The following C16orf96 variants were observed in gnomAD, a reference collection of about 807,000 sequenced individuals.
The protein encoded by C16orf96 is uncharacterized protein C16orf96.
C16orf96 carries 108 observed loss-of-function variants against 103.6 expected under a neutral mutation model. The ratio of observed to expected loss-of-function variants is 1.04; its 90% CI spans 0.89 to 1.22. The LOEUF (loss-of-function observed/expected upper bound fraction) is 1.22. Ranked by LOEUF, C16orf96 falls within the 50% of genes most tolerant of loss-of-function variation. The probability of loss-of-function intolerance (pLI) is 0.00; values close to 1 mark genes in which losing one functional copy is unlikely to be tolerated. For synonymous variants in C16orf96, 566 were observed against 593.5 expected (o/e 0.95, Z 0.67); for missense variants, 1,586 against 1,464.2 (o/e 1.08, Z -1.36).
At chr16:4,596,951 G>A (rs1181564372) in intron 14 of C16orf96, among the ~76,000 whole-genome samples, 1 of 152,084 alleles carries the variant, frequency 6.6e-6, no homozygotes, top group Non-Finnish European at 1.5e-5. Flanking sequence ...TCCCCCATAA[G>A]GACATTTGTC....
the C16orf96 span, among the ~76,000 whole-genome samples, chr16:4,548,876 CAAAAA>C: frequency 1.5e-5 from 2 of 133,062 alleles, no homozygotes; most frequent in Admixed American, 7.7e-5. Context: ...GTGAGACTCT[CAAAAA>C]AAAAAAAAAA....
In C16orf96 at chr16:4,600,164, A is replaced by G. The variant is rs1210543040; in HGVS notation, c.3273A>G (p.Arg1091=). 2.6e-6 allele frequency: 4 copies of G among 1,551,274 alleles called. No individual in the cohort carries two copies. In the Admixed American group the frequency reaches 5.9e-5, roughly 23 times the overall value. The change falls in exon 16 of 16, where the codon CGA becomes CGG. Residue 1091 remains arginine, a synonymous_variant. Transcript: ENST00000444310. Reference sequence around the variant, plus strand: ...GCCCTCACCTGACGATGCCAGCTCGACCACCTTCCCTGCCACCTCTGCTGC... The same window carrying G: ...GCCCTCACCTGACGATGCCAGCTCGGCCACCTTCCCTGCCACCTCTGCTGC... ...ASGPHLTMPA[R]PPSLPPLLLL...
intron 9 of C16orf96, among the ~76,000 whole-genome samples, chr16:4,589,621 C>G (rs901651960): frequency 3.3e-5 from 5 of 150,908 alleles, no homozygotes; most frequent in African/African-American, 1.2e-4. Context: ...AAAAAATGGG[C>G]GCAGAACAAC....
At position 4,576,605 on chromosome 16, in the gene C16orf96, T is replaced by C. The variant is rs1261465702; in HGVS notation, c.2125T>C (p.Cys709Arg). Residue 709 changes from cysteine to arginine, a missense_variant, in exon 5 of 16, where the codon TGT (cysteine) becomes CGT (arginine). By Grantham distance (180) the Cys-to-Arg change is radical. Coordinates refer to ENST00000444310, the MANE Select transcript of C16orf96 (RefSeq NM_001145011.2). Reference sequence around the variant, plus strand: ...GAAGGAAGAATTTGCCCAGCTGTCCTGTAACCTGAACCAGCGCTTGAGTTA... The same window carrying C: ...GAAGGAAGAATTTGCCCAGCTGTCCCGTAACCTGAACCAGCGCTTGAGTTA... Reference protein sequence around the residue: ...SLKEEFAQLSCNLNQRLSYLA... With the variant: ...SLKEEFAQLSRNLNQRLSYLA... 19 of 1,551,484 alleles carry C rather than the reference T, an allele frequency of 1.2e-5. No homozygotes were observed. Among genetic ancestry groups the C allele is most frequent in the Non-Finnish European group, 1.5e-5 (17 of 1,146,934 alleles).
chr16:4,572,306 C>CTT (rs3992632), intron 2 of C16orf96, among the ~76,000 whole-genome samples: 2 of 131,686 alleles, frequency 1.5e-5, no homozygotes. Flanking sequence ...ACTTATATTT[C>CTT]TTTTTTTTTT....
At chr16:4,550,638 T>G in the C16orf96 span, among the ~76,000 whole-genome samples, 2 of 152,122 alleles carry the variant, frequency 1.3e-5, no homozygotes, top group Non-Finnish European at 2.9e-5. Context: ...AACCTGCAAA[T>G]GTTTACCTCC....
In C16orf96 at chr16:4,588,205, C is replaced by T. The variant is rs570908523; in HGVS notation, c.2466C>T (p.Arg822=). Residue 822 remains arginine, a synonymous_variant, in exon 9 of 16, where the codon CGC becomes CGT. Coordinates refer to ENST00000444310, the MANE Select transcript of C16orf96 (RefSeq NM_001145011.2). ...GTGCCCTGGCAGGCAAGGCAAGCCG[C>T]GTTGACCTGGAGACTGTGGCCTTGG... The part of the protein sequence containing the change: ...DRSALAGKAS[R]VDLETVALEL... The T allele has an allele frequency of 4.1e-5, 63 of 1,551,562 alleles. No homozygotes were observed. The Middle Eastern group carries it at 5.0e-4, about 12-fold the overall frequency.
chr16:4,540,982 C>T, the C16orf96 span, among the ~76,000 whole-genome samples: 12 of 148,718 alleles, frequency 8.1e-5, no homozygotes, highest in Admixed American at 1.4e-4. Context: ...GGCTCGATCT[C>T]GGCTCACTGC....
At chr16:4,586,950 C>T (rs919270619) in intron 7 of C16orf96, 89 bp from the exon 8 acceptor site, 55 of 1,230,784 alleles carry the variant, frequency 4.5e-5, no homozygotes, top group Non-Finnish European at 6.0e-5. Flanking sequence ...TATCCCTCCC[C>T]AGCATATGGT....
chr16:4,538,750 T>A, the C16orf96 span: 1 of 152,098 alleles, frequency 6.6e-6, no homozygotes, highest in Non-Finnish European at 1.5e-5. Flanking sequence ...ACCGAACGCC[T>A]CGGCAGCTGG....
In C16orf96 at chr16:4,575,046, C is replaced by T. The variant is rs935168016; in HGVS notation, c.681C>T (p.Ala227=). 2 of 1,551,492 alleles carry T rather than the reference C, an allele frequency of 1.3e-6. No homozygotes were observed. Among genetic ancestry groups the T allele is most frequent in the Middle Eastern group, 1.7e-4 (1 of 5,992 alleles). The change falls in exon 4 of 16, where the codon GCC becomes GCT. Residue 227 remains alanine, a synonymous_variant. Transcript: ENST00000444310. ...TGCTCTGGAGTGGCCTTCATGATGCCATGTTCACCTCAGTGAGTGAGGAAG... is the reference window on the plus strand; with the variant it reads ...TGCTCTGGAGTGGCCTTCATGATGCTATGTTCACCTCAGTGAGTGAGGAAG... ...DMVLWSGLHD[A]MFTSEIGSSP...
rs1478547127 is a variant in C16orf96, at chr16:4,578,149, GTTA to G, written c.2156-785_2156-783del. Reference sequence around the variant, plus strand: ...TTAAAAAAAAATTTTTTTAATTATTGTTATTATTTTTTGAGATGGAGTTTCACT... The same window carrying G: ...TTAAAAAAAAATTTTTTTAATTATTGTTATTTTTTGAGATGGAGTTTCACT... On this transcript the variant is annotated intron_variant, in intron 5 of 15. Transcript: ENST00000444310. Among the ~76,000 whole-genome samples, 4 of 152,202 alleles carry G rather than the reference GTTA, an allele frequency of 2.6e-5. No individual in the cohort carries two copies. In the South Asian group the frequency reaches 8.3e-4, roughly 32 times the overall value.
intron 7 of C16orf96, among the ~76,000 whole-genome samples, chr16:4,584,408 C>T (rs370907777): frequency 1.4e-5 from 2 of 143,918 alleles, no homozygotes; most frequent in African/African-American, 2.6e-5. Context: ...AGTGCAGTGG[C>T]GCAATCTTGG....
upstream of C16orf96, among the ~76,000 whole-genome samples, chr16:4,556,242 C>T (rs531074012): frequency 6.6e-6 from 1 of 152,290 alleles, no homozygotes; most frequent in Admixed American, 6.5e-5. Context: ...GTGAGGCTTA[C>T]CAGGGAGCAC....
chr16:4,581,136 G>GTATATATATA (rs1434659974), intron 7 of C16orf96, among the ~76,000 whole-genome samples: 1 of 40,776 alleles, frequency 2.5e-5, no homozygotes, highest in Admixed American at 3.6e-4. Context: ...AAATATATAT[G>GTATATATATA]TATACATATA....
intron 7 of C16orf96, among the ~76,000 whole-genome samples, chr16:4,583,573 A>C (rs1438293548): frequency 2.6e-5 from 4 of 152,134 alleles, no homozygotes. Flanking sequence ...TATTACCAAT[A>C]GTTAAAGAAG....
Position 4,563,543 on chromosome 16 carries a change from C to T in C16orf96, c.420+6634C>T, listed in dbSNP as rs1171207676. 5.3e-5 allele frequency among the ~76,000 whole-genome samples: 8 copies of T among 151,806 alleles called. 1 individual carries two copies. In the South Asian group the frequency reaches 6.3e-4, roughly 12 times the overall value. ...CTGGGATTACAGGCTTGAGCCACTG[C>T]GCCCACCCTCTGTTAACCTTTTTTT... On this transcript the variant is annotated intron_variant, in intron 1 of 15. Transcript: ENST00000444310.
chr16:4,548,985 T>C, the C16orf96 span, among the ~76,000 whole-genome samples: 3 of 152,080 alleles, frequency 2.0e-5, no homozygotes, highest in Non-Finnish European at 4.4e-5. Flanking sequence ...TTCCTTGCCT[T>C]TCCTTTCCTG....
Position 4,599,362 on chromosome 16 carries a change from C to T in C16orf96, c.3206C>T (p.Pro1069Leu). Residue 1069 changes from proline (P) to leucine (L), a missense_variant and splice_region_variant, in exon 15 of 16, where the codon CCC (proline) becomes CTC (leucine). Physicochemically the swap from Pro to Leu is moderately conservative, Grantham distance 98. Coordinates refer to ENST00000444310, the MANE Select transcript of C16orf96 (RefSeq NM_001145011.2). ...HSSALFGAIC[P>L]PLCPRSSACS... The stretch of plus-strand genomic sequence containing the variant: ...AGTGCCCTATTTGGCGCCATCTGCC[C>T]CCGTGAGTACCTGGTTCCCAGCCCC... 1.9e-6 allele frequency: 3 copies of T among 1,551,234 alleles called. 1 individual carries two copies. The East Asian group carries it at 7.3e-5, about 38-fold the overall frequency.
Sources: gnomAD v4.1 joint callset for allele counts (sites outside exome capture counted in the v4.1 genomes callset) on GRCh38, gnomAD v4.1.1 for gene constraint, MANE v1.5 for transcripts, NCBI Gene and HGNC (gene_info 2026-07-23, HGNC 2026-07-21) for gene names.